The following TMEM236 variants were observed in gnomAD, a reference collection of about 807,000 sequenced individuals.
TMEM236 encodes family with sequence similarity 23, member A.
A neutral mutation model predicts 14.7 loss-of-function variants in TMEM236; 11 were observed. The observed-to-expected ratio is 0.75, with a 90% CI of 0.47 to 1.24. The LOEUF (loss-of-function observed/expected upper bound fraction) is 1.24. Among genes scored for constraint, TMEM236 ranks in the 50% most tolerant of loss-of-function variants. TMEM236 has a pLI of 0.00. For missense variants in TMEM236, 464 were observed against 427.3 expected (o/e 1.09, Z -0.76); for synonymous variants, 182 against 168.6 (o/e 1.08, Z -0.62).
rs1291194529 is a variant in TMEM236, at chr10:17,800,681, G to A, written c.*4177G>A. 1 of 152,028 alleles carries A rather than the reference G, an allele frequency of 6.6e-6. No individual in the cohort carries two copies. The highest frequency in any genetic ancestry group is 2.4e-5 in the African/African-American group (1 of 41,390). The allele number at this position is 152,028 out of a possible 1,614,324, so 9.4% of individuals were successfully genotyped here. ...ACCTTGGAGCAGGGCCTTACATAGTGAATATATCAATAGTTGTTCACAAAA... is the reference window on the plus strand; with the variant it reads ...ACCTTGGAGCAGGGCCTTACATAGTAAATATATCAATAGTTGTTCACAAAA... On this transcript the variant is annotated 3_prime_UTR_variant, in exon 4 of 4. Transcript: ENST00000377495.
At chr10:17,771,408 A>G (rs879946359) in intron 2 of TMEM236, 27 bp downstream of exon 2, 2 of 1,601,598 alleles carry the variant, frequency 1.2e-6, no homozygotes, top group East Asian at 2.2e-5. Context: ...TTCTTCTGCT[A>G]CAAGATTATG....
chr10:17,757,740 A>G (rs1420246711), intron 1 of TMEM236, among the ~76,000 whole-genome samples: 1 of 151,892 alleles, frequency 6.6e-6, no homozygotes, highest in Non-Finnish European at 1.5e-5. Context: ...GTGTTTCAAG[A>G]AAAATGCAAT....
intron 1 of TMEM236, among the ~76,000 whole-genome samples, chr10:17,756,647 C>T (rs906373619): frequency 1.9e-3 from 285 of 152,146 alleles, no homozygotes; most frequent in African/African-American, 6.1e-3. Flanking sequence ...AGAAAATTGC[C>T]GATTAGAGAG....
chr10:17,765,740 G>A (rs1024087103), intron 1 of TMEM236, among the ~76,000 whole-genome samples: 61 of 152,226 alleles, frequency 4.0e-4, no homozygotes, highest in African/African-American at 8.7e-4. Context: ...CATCATCCAG[G>A]CCTATGACTG....
chr10:17,757,864 G>T (rs1466713204), intron 1 of TMEM236, among the ~76,000 whole-genome samples: 2 of 152,130 alleles, frequency 1.3e-5, no homozygotes, highest in East Asian at 3.9e-4. Context: ...CACCTCTGGG[G>T]TTTAAGCTAT....
intron 2 of TMEM236, among the ~76,000 whole-genome samples, chr10:17,774,772 C>T (rs1318601816): frequency 1.3e-5 from 2 of 150,338 alleles, no homozygotes; most frequent in African/African-American, 2.5e-5. Context: ...TTCCTTCCTT[C>T]CTCCCTCCCT....
In TMEM236 at chr10:17,752,322, C is replaced by T. The variant is rs954131766; in HGVS notation, c.27C>T (p.Phe9=). The change falls in exon 1 of 4, where the codon TTC becomes TTT. Residue 9 remains phenylalanine (F), a synonymous_variant. Coordinates refer to ENST00000377495, the MANE Select transcript of TMEM236 (RefSeq NM_001098844.3). Reference sequence around the variant, plus strand: ...TGGCTTCTGGAAGGCTCATTAAGTTCGTGGTTTTTGAGCTCCTAGAGTTTG... The same window carrying T: ...TGGCTTCTGGAAGGCTCATTAAGTTTGTGGTTTTTGAGCTCCTAGAGTTTG... The part of the protein sequence containing the change: MASGRLIK[F]VVFELLEFAA... 2.6e-5 allele frequency: 42 copies of T among 1,613,824 alleles called. No homozygotes were observed. The African/African-American group carries it at 3.1e-4, about 12-fold the overall frequency.
rs1838031279 is a variant in TMEM236 at position 17,797,216 on chromosome 10, A to G, written c.*712A>G. ...AATAAGATTTTTATCTTTTATATAG[A>G]TAGCATTATATGAATTGATTGATTA... is the stretch of plus-strand genomic sequence containing the variant. On this transcript the variant is annotated 3_prime_UTR_variant, in exon 4 of 4. Transcript: ENST00000377495. The G allele has an allele frequency of 6.6e-6, 1 of 152,272 alleles. No individual in the cohort carries two copies. The highest frequency in any genetic ancestry group is 1.5e-5 in the Non-Finnish European group (1 of 68,038). The allele number at this position is 152,272 out of a possible 1,614,324, so 9.4% of individuals were successfully genotyped here. A position where few individuals can be genotyped will look rare whatever the true frequency, so the allele number is the denominator to read the frequency against.
intron 3 of TMEM236, among the ~76,000 whole-genome samples, chr10:17,792,235 G>A (rs1046045552): frequency 1.2e-4 from 18 of 152,136 alleles, no homozygotes; most frequent in Non-Finnish European, 2.4e-4. Context: ...TTACACACGT[G>A]CACCAATGTG....
intron 1 of TMEM236, among the ~76,000 whole-genome samples, chr10:17,753,143 C>T (rs963853460): frequency 2.0e-5 from 3 of 152,186 alleles, no homozygotes; most frequent in Admixed American, 6.5e-5. Flanking sequence ...ATCCACCCAT[C>T]TTGGCCTCCC....
At chr10:17,754,638 T>C (rs1837257229) in intron 1 of TMEM236, among the ~76,000 whole-genome samples, 2 of 152,174 alleles carry the variant, frequency 1.3e-5, no homozygotes, top group South Asian at 2.1e-4. Context: ...ACTTAGACTT[T>C]AAAAATAAAT....
intron 1 of TMEM236, among the ~76,000 whole-genome samples, chr10:17,762,016 C>T (rs1334390518): frequency 6.6e-6 from 1 of 152,142 alleles, no homozygotes; most frequent in Non-Finnish European, 1.5e-5. Context: ...TTCTCCATGG[C>T]CAGGAGCTGT....
At chr10:17,761,861 T>C (rs1428443314) in intron 1 of TMEM236, among the ~76,000 whole-genome samples, 1 of 152,170 alleles carries the variant, frequency 6.6e-6, no homozygotes, top group Admixed American at 6.5e-5. Flanking sequence ...ACAATACAAA[T>C]ACCTCTGATT....
chr10:17,766,935 C>G (rs1401742934), intron 1 of TMEM236, among the ~76,000 whole-genome samples: 1 of 152,070 alleles, frequency 6.6e-6, no homozygotes, highest in Non-Finnish European at 1.5e-5. Flanking sequence ...ACATGATATG[C>G]TTCCTGAGTT....
In TMEM236 at chr10:17,800,703, A is replaced by C. The variant is rs1397988302; in HGVS notation, c.*4199A>C. The C allele has an allele frequency of 2.0e-5, 3 of 152,350 alleles. No homozygotes were observed. Among genetic ancestry groups the C allele is most frequent in the African/African-American group, 7.2e-5 (3 of 41,582 alleles). 9.4% of individuals were successfully genotyped at this position (152,350 alleles called of 1,614,324 possible). ...AGTGAATATATCAATAGTTGTTCAC[A>C]AAAAGAGCAATATACCACTTAGAAG... On this transcript the variant is annotated 3_prime_UTR_variant, in exon 4 of 4. Transcript: ENST00000377495.
At chr10:17,777,285 G>GTT (rs1384955501) in intron 3 of TMEM236, among the ~76,000 whole-genome samples, 4 of 152,152 alleles carry the variant, frequency 2.6e-5, no homozygotes, top group Admixed American at 6.5e-5. Context: ...TAACACAGGT[G>GTT]ACATGTAGGT....
At position 17,799,053 on chromosome 10, in the gene TMEM236, G is replaced by A. The variant is rs1435569981; in HGVS notation, c.*2549G>A. ...ATCGAGGAGTATTGTATTCAAAAGT[G>A]ATCGATCTGCTGAATATATAAATTA... On this transcript the variant is annotated 3_prime_UTR_variant, in exon 4 of 4. Transcript: ENST00000377495. 1 of 206,890 alleles carries A rather than the reference G, an allele frequency of 4.8e-6. No homozygotes were observed. 12.8% of individuals were successfully genotyped at this position (206,890 alleles called of 1,614,324 possible).
intron 3 of TMEM236, among the ~76,000 whole-genome samples, chr10:17,782,316 C>G (rs997810486): frequency 0.014 from 2,085 of 152,136 alleles, 45 homozygotes; most frequent in African/African-American, 0.048. Context: ...GTAAACCAAC[C>G]ATAACCCTAC....
chr10:17,795,130 A>C (rs1837989925), intron 3 of TMEM236, among the ~76,000 whole-genome samples: 10 of 152,216 alleles, frequency 6.6e-5, no homozygotes, highest in Admixed American at 6.5e-4. Flanking sequence ...CTCTTCTTAC[A>C]AAATGACAGG....
Sources: allele counts gnomAD v4.1 joint callset (sites outside exome capture counted in the v4.1 genomes callset), GRCh38; gene constraint gnomAD v4.1.1; transcripts MANE v1.5; gene names NCBI Gene and HGNC (gene_info 2026-07-23, HGNC 2026-07-21).